The following CTNNB1 variants were observed in gnomAD, a reference collection of about 807,000 sequenced individuals.
The protein encoded by CTNNB1 is catenin beta 1.
CTNNB1 carries 6 observed loss-of-function variants against 82.5 expected under a neutral mutation model. The observed-to-expected ratio is 0.07, with a 90% CI of 0.04 to 0.14. CTNNB1 has a LOEUF of 0.14. Ranked by LOEUF, CTNNB1 falls within the 10% of genes least tolerant of loss-of-function variation. CTNNB1 has a pLI of 1.00. For synonymous variants in CTNNB1, 312 were observed against 329.7 expected (o/e 0.95, Z 0.58); for missense variants, 529 against 980.4 (o/e 0.54, Z 6.15).
intron 10 of CTNNB1, chr3:41,235,323 A>C: frequency 4.2e-6 from 1 of 239,450 alleles, no homozygotes; most frequent in East Asian, 1.0e-4. Flanking sequence ...AAAACTTGGC[A>C]AAGTTTTCAC....
chr3:41,221,489 A>G (rs2078048611), intron 1 of CTNNB1: 1 of 152,072 alleles, frequency 6.6e-6, no homozygotes, highest in Non-Finnish European at 1.5e-5. Flanking sequence ...CTACAGGCAC[A>G]TACTACCACA....
chr3:41,233,286 T>G (rs2078354421), intron 7 of CTNNB1, 55 bp from the exon 8 acceptor site: 1 of 1,451,326 alleles, frequency 6.9e-7, no homozygotes, highest in Admixed American at 1.7e-5. Flanking sequence ...ATATTTAGGA[T>G]TGATAGGCAC....
intron 3 of CTNNB1, 26 bp downstream of exon 3, chr3:41,224,779 T>C: frequency 1.9e-6 from 3 of 1,605,088 alleles, no homozygotes; most frequent in Non-Finnish European, 2.6e-6. Context: ...TTCATTGCCT[T>C]ACTGAAAGTC....
chr3:41,233,094 A>G (rs891201171), intron 7 of CTNNB1: 14 of 585,214 alleles, frequency 2.4e-5, no homozygotes, highest in Non-Finnish European at 4.2e-5. Flanking sequence ...CAGTGGAGAT[A>G]ACAAAGGCTT....
At chr3:41,211,532 C>A (rs900049473) in intron 1 of CTNNB1, among the ~76,000 whole-genome samples, 1 of 152,034 alleles carries the variant, frequency 6.6e-6, no homozygotes, top group African/African-American at 2.4e-5. Flanking sequence ...TAACATTACT[C>A]CTCCTTCCCT....
chr3:41,212,699 A>G (rs1399030138), intron 1 of CTNNB1, among the ~76,000 whole-genome samples: 1 of 152,214 alleles, frequency 6.6e-6, no homozygotes, highest in African/African-American at 2.4e-5. Flanking sequence ...ACTAGTGGCA[A>G]TTATGTTGGA....
At chr3:41,228,783 T>TCATGAAATCTTTGC (rs1260427757) in intron 7 of CTNNB1, among the ~76,000 whole-genome samples, 6 of 152,230 alleles carry the variant, frequency 3.9e-5, no homozygotes, top group Admixed American at 2.6e-4. Context: ...GGCATCTTCG[T>TCATGAAATCTTTGC]CATGAAATCT....
intron 7 of CTNNB1, among the ~76,000 whole-genome samples, chr3:41,227,879 C>T (rs989696397): frequency 6.6e-6 from 1 of 152,064 alleles, no homozygotes; most frequent in African/African-American, 2.4e-5. Flanking sequence ...TCTTTACCTC[C>T]CACCCGTAAG....
At chr3:41,224,797 A>G in intron 3 of CTNNB1, 44 bp downstream of exon 3, 1 of 1,600,092 alleles carries the variant, frequency 6.2e-7, no homozygotes, top group Non-Finnish European at 8.6e-7. Context: ...GTCAGAATGC[A>G]GTTTTGAGAA....
chr3:41,209,005 G>A (rs549615006), intron 1 of CTNNB1, among the ~76,000 whole-genome samples: 1 of 152,270 alleles, frequency 6.6e-6, no homozygotes, highest in Non-Finnish European at 1.5e-5. Flanking sequence ...TGACCACCAC[G>A]TTATAAATTT....
chr3:41,211,555 C>T (rs1440799670), intron 1 of CTNNB1, among the ~76,000 whole-genome samples: 2 of 152,132 alleles, frequency 1.3e-5, no homozygotes, highest in Non-Finnish European at 2.9e-5. Flanking sequence ...CTGTTCTTGT[C>T]TCTGTCTATT....
chr3:41,207,386 A>C (rs1327795564), intron 1 of CTNNB1, among the ~76,000 whole-genome samples: 1 of 152,188 alleles, frequency 6.6e-6, no homozygotes, highest in East Asian at 1.9e-4. Context: ...ATTATGCTGC[A>C]GATTCTATTA....
intron 1 of CTNNB1, chr3:41,200,320 G>C (rs1415624754): frequency 6.6e-6 from 1 of 152,146 alleles, no homozygotes; most frequent in Non-Finnish European, 1.5e-5. Flanking sequence ...GGTGCGATGC[G>C]TCAGTAGGGT....
At position 41,233,603 on chromosome 3, in the gene CTNNB1, A is replaced by G. The variant is rs2125639094; in HGVS notation, c.1260A>G (p.Ala420=). The G allele has an allele frequency of 1.2e-6, 2 of 1,614,214 alleles. No homozygotes were observed. The highest frequency in any genetic ancestry group is 1.7e-6 in the Non-Finnish European group (2 of 1,180,046). Residue 420 remains alanine (A), a synonymous_variant, in exon 9 of 15, where the codon GCA becomes GCG. Transcript: ENST00000349496. The part of the protein sequence containing the change: ...GSDDINVVTC[A]AGILSNLTCN... ...ATGATATAAATGTGGTCACCTGTGC[A>G]GCTGGAATTCTTTCTAACCTCACTT...
intron 7 of CTNNB1, among the ~76,000 whole-genome samples, chr3:41,232,183 A>C (rs936414661): frequency 1.3e-5 from 2 of 152,094 alleles, no homozygotes; most frequent in African/African-American, 4.8e-5. Flanking sequence ...GTGTGTTTTA[A>C]AGTCTCTGTA....
chr3:41,235,493 A>G (rs2125644000), intron 10 of CTNNB1: 2 of 577,480 alleles, frequency 3.5e-6, no homozygotes, highest in South Asian at 4.0e-5. Context: ...TCAGCGCTGT[A>G]TGGAAGCTCT....
intron 1 of CTNNB1, among the ~76,000 whole-genome samples, chr3:41,217,849 C>A (rs2077950537): frequency 6.6e-6 from 1 of 152,044 alleles, no homozygotes; most frequent in Admixed American, 6.6e-5. Flanking sequence ...ATGATTCTTT[C>A]TTTTTTTGAC....
At chr3:41,227,453 TAAATG>T in intron 7 of CTNNB1, 101 bp downstream of exon 7, 1 of 1,230,658 alleles carries the variant, frequency 8.1e-7, no homozygotes. Context: ...CTACTGAAAA[TAAATG>T]GTCCTATTCA....
intron 13 of CTNNB1, chr3:41,236,977 A>G (rs2078451607): frequency 1.7e-6 from 1 of 582,454 alleles, no homozygotes. Context: ...ACCAGATTAA[A>G]GAAGATTTTT....
Sources: allele counts gnomAD v4.1 joint callset (sites outside exome capture counted in the v4.1 genomes callset), GRCh38; gene constraint gnomAD v4.1.1; transcripts MANE v1.5; gene names NCBI Gene and HGNC (gene_info 2026-07-23, HGNC 2026-07-21).